The following CSNK1D variants were observed in gnomAD, a reference collection of about 807,000 sequenced individuals.
CSNK1D encodes the protein casein kinase 1 delta.
A neutral mutation model predicts 46.6 loss-of-function variants in CSNK1D; 16 were observed. The ratio of observed to expected loss-of-function variants is 0.34; its 90% confidence interval spans 0.23 to 0.52. CSNK1D has a LOEUF of 0.52. Among genes scored for constraint, CSNK1D ranks in the 20% least tolerant of loss-of-function variants. The pLI is 0.95. For missense variants in CSNK1D, 398 were observed against 578.4 expected, an observed-to-expected ratio of 0.69 and a Z score of 3.20; for synonymous variants, 276 against 228.2, an observed-to-expected ratio of 1.21 and a Z score of -1.89.
rs2051023855 is a variant in CSNK1D, at chr17:82,251,993, T to C, written c.736+441A>G. The C allele has an allele frequency of 4.5e-5, 12 of 268,576 alleles. No homozygotes were observed. The highest frequency in any genetic ancestry group is 4.1e-4 in the South Asian group (11 of 27,046). The allele number at this position is 268,576 out of a possible 1,614,324, so 16.6% of individuals were successfully genotyped here. The stretch of plus-strand genomic sequence containing the variant: ...TTGGCGACAGAGTGAGACTGTGTCT[T>C]AAAAAAAAAAAAGAAGTCATAAAGC... On this transcript the variant is annotated intron_variant, in intron 5 of 8. Transcript: ENST00000314028. This position sits in a 1 kb window ranked among gnomAD's most constrained non-coding sequence, Gnocchi z 4.5.
chr17:82,242,325 T>C (rs1485972162), downstream of CSNK1D, among the ~76,000 whole-genome samples: 1 of 152,094 alleles, frequency 6.6e-6, no homozygotes, highest in African/African-American at 2.4e-5. Flanking sequence ...CACGGCCCTA[T>C]GGCAGGGGGA....
intron 2 of CSNK1D, among the ~76,000 whole-genome samples, chr17:82,260,701 A>G (rs1433139663): frequency 6.7e-6 from 1 of 148,512 alleles, no homozygotes; most frequent in Non-Finnish European, 1.5e-5. Context: ...TGGTGTACTG[A>G]CTGATGTGAC....
chr17:82,273,513 C>T lies in CSNK1D; in HGVS notation c.-132G>A. 5.4e-6 allele frequency: 6 copies of T among 1,119,432 alleles called. No individual in the cohort carries two copies. In the South Asian group the frequency reaches 7.0e-5, roughly 13 times the overall value. 69.3% of individuals were successfully genotyped at this position (1,119,432 alleles called of 1,614,324 possible). On this transcript the variant is annotated 5_prime_UTR_variant, in exon 1 of 9. It removes an upstream start codon present in the reference 5' UTR. Transcript: ENST00000314028. This position sits in a 1 kb window ranked among gnomAD's most constrained non-coding sequence, Gnocchi z 5.1. ...GCCCCCCTCACGGCCCCGCTTTCAC[C>T]ATCGCTTTCCTGTCGCCCCGCCGCT... is the stretch of plus-strand genomic sequence containing the variant.
At chr17:82,261,661 C>G (rs2051343433) in intron 2 of CSNK1D, among the ~76,000 whole-genome samples, 1 of 152,182 alleles carries the variant, frequency 6.6e-6, no homozygotes, top group Non-Finnish European at 1.5e-5. Context: ...GAGCAAGGTC[C>G]TGGCACAGAC....
Position 82,247,195 on chromosome 17 carries a change from T to C in CSNK1D, c.1197+1680A>G, listed in dbSNP as rs2050872696. 3 of 985,336 alleles carry C rather than the reference T, an allele frequency of 3.0e-6. No homozygotes were observed. In the South Asian group the frequency reaches 1.4e-4, roughly 46 times the overall value. 61.0% of individuals were successfully genotyped at this position (985,336 alleles called of 1,614,324 possible). On this transcript the variant is annotated intron_variant, in intron 8 of 8. Coordinates refer to ENST00000314028, the MANE Select transcript of CSNK1D (RefSeq NM_001893.6). ...CTCCTCCCTGCTGTTAGAGCCCACG[T>C]TGTATTTCCTCATATGGAAAACGAG...
intron 2 of CSNK1D, chr17:82,260,764 A>G (rs1486592970): frequency 6.4e-6 from 1 of 155,272 alleles, no homozygotes; most frequent in East Asian, 1.9e-4. Flanking sequence ...TGGTATACTG[A>G]CTGATGTGAC....
intron 2 of CSNK1D, among the ~76,000 whole-genome samples, chr17:82,259,199 G>A (rs1402302334): frequency 6.6e-6 from 1 of 152,142 alleles, no homozygotes; most frequent in African/African-American, 2.4e-5. Context: ...ATTTACCCCA[G>A]ATACCTTTTT....
chr17:82,246,164 G>T, intron 8 of CSNK1D: 1 of 1,542,572 alleles, frequency 6.5e-7, no homozygotes, highest in Non-Finnish European at 8.7e-7. Context: ...GTGCCACCTG[G>T]GGGAGCCCAG....
At chr17:82,245,960 C>T in intron 8 of CSNK1D, 1 of 1,593,992 alleles carries the variant, frequency 6.3e-7, no homozygotes, top group Non-Finnish European at 8.5e-7. Flanking sequence ...CTGGCGCCCG[C>T]CACGCGCACA....
At chr17:82,270,570 T>TGG (rs2051594614) in intron 1 of CSNK1D, among the ~76,000 whole-genome samples, 1 of 152,122 alleles carries the variant, frequency 6.6e-6, no homozygotes, top group South Asian at 2.1e-4. Flanking sequence ...AAAACTATGG[T>TGG]GGGGATGACC....
chr17:82,242,641 A>C (rs1306999855), downstream of CSNK1D: 1 of 985,018 alleles, frequency 1.0e-6, no homozygotes, highest in Admixed American at 6.1e-5. Context: ...TGATGAAATA[A>C]AGACCACATG....
chr17:82,267,954 C>T (rs183931300), intron 1 of CSNK1D, among the ~76,000 whole-genome samples: 3 of 152,402 alleles, frequency 2.0e-5, no homozygotes, highest in Admixed American at 6.5e-5. Flanking sequence ...ACCTGCAGCA[C>T]TGACTGTCGT....
At chr17:82,247,660 G>C in intron 8 of CSNK1D, 1 of 985,406 alleles carries the variant, frequency 1.0e-6, no homozygotes, top group Non-Finnish European at 1.2e-6. Flanking sequence ...TGCCAGGCTC[G>C]TGGAAAGAAG....
chr17:82,247,660 G>A lies in CSNK1D; in HGVS notation c.1197+1215C>T, dbSNP rs141423141. ...GAACTGATGCGCAAGTGCCAGGCTC[G>A]TGGAAAGAAGCCAGTTAAACCCTTT... On this transcript the variant is annotated intron_variant, in intron 8 of 8. Transcript: ENST00000314028. 584 of 985,406 alleles carry A rather than the reference G, an allele frequency of 5.9e-4. 1 individual carries two copies. In the African/African-American group the frequency reaches 8.0e-3, roughly 14 times the overall value. The allele number at this position is 985,406 out of a possible 1,614,324, so 61.0% of individuals were successfully genotyped here.
At chr17:82,244,866 G>A in intron 8 of CSNK1D, 35 bp from the exon 9 acceptor site, 1 of 1,613,098 alleles carries the variant, frequency 6.2e-7, no homozygotes, top group South Asian at 1.1e-5. Flanking sequence ...AGGTCAGCAT[G>A]GGGCTGGGGG....
At chr17:82,269,191 C>T (rs970454960) in intron 1 of CSNK1D, among the ~76,000 whole-genome samples, 5 of 151,448 alleles carry the variant, frequency 3.3e-5, no homozygotes, top group Non-Finnish European at 7.4e-5. Context: ...TTCTGAATTA[C>T]CAGCCTGGAT....
Position 82,242,723 on chromosome 17 carries a change from C to T in CSNK1D, c.*2058G>A. On this transcript the variant is annotated 3_prime_UTR_variant, in exon 9 of 9. Coordinates refer to ENST00000314028, the MANE Select transcript of CSNK1D (RefSeq NM_001893.6). The stretch of plus-strand genomic sequence containing the variant: ...ACACGATTGTTAAAGTACACAAATA[C>T]AGTGGCGATACAAACGCACAGCTCG... 3.0e-6 allele frequency: 3 copies of T among 985,468 alleles called. No homozygotes were observed. Among genetic ancestry groups the T allele is most frequent in the Non-Finnish European group, 3.6e-6 (3 of 829,928 alleles). The allele number at this position is 985,468 out of a possible 1,614,324, so 61.0% of individuals were successfully genotyped here. A position where few individuals can be genotyped will look rare whatever the true frequency, so the allele number is the denominator to read the frequency against.
downstream of CSNK1D, among the ~76,000 whole-genome samples, chr17:82,241,177 G>A (rs926694508): frequency 1.3e-5 from 2 of 152,222 alleles, no homozygotes; most frequent in East Asian, 3.9e-4. Context: ...CAGATCAGAG[G>A]GAGAAGGGAG....
rs2050778549 is a variant in CSNK1D, at chr17:82,243,546, C to A, written c.*1235G>T. The A allele has an allele frequency of 1.0e-6, 1 of 985,484 alleles. No individual in the cohort carries two copies. The highest frequency in any genetic ancestry group is 4.7e-5 in the South Asian group (1 of 21,294). 61.0% of individuals were successfully genotyped at this position (985,484 alleles called of 1,614,324 possible). A position where few individuals can be genotyped will look rare whatever the true frequency, so the allele number is the denominator to read the frequency against. ...CGCACGCTGCTTCACTTCTGACCAACAGACACGCGCCCAACAGAAGGTCAC... is the reference window on the plus strand; with the variant it reads ...CGCACGCTGCTTCACTTCTGACCAAAAGACACGCGCCCAACAGAAGGTCAC... On this transcript the variant is annotated 3_prime_UTR_variant, in exon 9 of 9. Coordinates refer to ENST00000314028, the MANE Select transcript of CSNK1D (RefSeq NM_001893.6).
Sources: gnomAD v4.1 joint callset for allele counts (sites outside exome capture counted in the v4.1 genomes callset) on GRCh38, gnomAD v4.1.1 for gene constraint, Gnocchi (gnomAD v3.1) non-coding constraint, MANE v1.5 for transcripts, NCBI Gene and HGNC (gene_info 2026-07-23, HGNC 2026-07-21) for gene names.